The following GXYLT2 variants were observed in gnomAD, a reference collection of about 807,000 sequenced individuals.
GXYLT2 encodes glycosyltransferase 8 domain containing 4.
In GXYLT2, 53 loss-of-function variants were observed where a neutral mutation model predicts 45.8. The observed-to-expected ratio is 1.16, with a 90% CI of 0.93 to 1.46. GXYLT2 has a LOEUF of 1.46. Ranked by LOEUF, GXYLT2 falls within the 40% of genes most tolerant of loss-of-function variation. The pLI is 0.00. For synonymous variants in GXYLT2, 219 were observed against 214.2 expected, an observed-to-expected ratio of 1.02 and a Z score of -0.19; for missense variants, 551 against 544.4, an observed-to-expected ratio of 1.01 and a Z score of -0.12.
intron 3 of GXYLT2, among the ~76,000 whole-genome samples, chr3:72,923,130 C>T (rs1457061639): frequency 6.6e-6 from 1 of 152,096 alleles, no homozygotes; most frequent in East Asian, 1.9e-4. Flanking sequence ...TGGTGTATGT[C>T]TGTAATCCCA....
intron 5 of GXYLT2, 46 bp downstream of exon 5, chr3:72,957,398 C>A: frequency 6.5e-7 from 1 of 1,543,942 alleles, no homozygotes. Context: ...GTACACTCAG[C>A]ACACCCCACG....
At chr3:72,967,512 C>T (rs777640270) in intron 5 of GXYLT2, 35 bp from the exon 6 acceptor site, 8 of 1,560,410 alleles carry the variant, frequency 5.1e-6, no homozygotes, top group South Asian at 4.5e-5. Flanking sequence ...TGGCACTAAC[C>T]GTGGACATAT....
intron 5 of GXYLT2, among the ~76,000 whole-genome samples, chr3:72,962,525 G>A (rs1377242276): frequency 2.0e-5 from 3 of 152,134 alleles, no homozygotes; most frequent in Non-Finnish European, 4.4e-5. Context: ...AGAGAAAGGA[G>A]ATAGAAAGCT....
chr3:72,912,066 A>C (rs1253326239), intron 2 of GXYLT2, among the ~76,000 whole-genome samples: 2 of 143,930 alleles, frequency 1.4e-5, no homozygotes, highest in African/African-American at 5.4e-5. Context: ...GCTGAAGTGC[A>C]GTGGCATGAT....
rs1359099842 is a variant in GXYLT2, at chr3:72,905,076, AAAAAAAAAAAAAGGAAAG to A, written c.276-3286_276-3269del. On this transcript the variant is annotated intron_variant, in intron 1 of 6. Coordinates refer to ENST00000389617, the MANE Select transcript of GXYLT2 (RefSeq NM_001080393.2). ...TGAGATTCTGTCTCAAAAAAAAAAA[AAAAAAAAAAAAAGGAAAG>A]AAAAGAAAAAGAAAATAACCACTGT... Among the ~76,000 whole-genome samples the A allele has an allele frequency of 6.1e-3, 909 of 149,992 alleles. 9 individuals are homozygous for A. Among genetic ancestry groups the A allele is most frequent in the African/African-American group, 0.021 (848 of 41,048 alleles).
intron 5 of GXYLT2, among the ~76,000 whole-genome samples, chr3:72,960,699 G>C (rs1015951871): frequency 6.6e-6 from 1 of 151,964 alleles, no homozygotes; most frequent in African/African-American, 2.4e-5. Context: ...TTAAACATGG[G>C]ATCTTTGAAC....
In GXYLT2 at chr3:72,890,047, G is replaced by C. The variant is rs149281243; in HGVS notation, c.275+1539G>C. Among the ~76,000 whole-genome samples the C allele has an allele frequency of 2.0e-3, 302 of 152,176 alleles. 2 individuals are homozygous for C. Among genetic ancestry groups the C allele is most frequent in the African/African-American group, 7.1e-3 (295 of 41,534 alleles). On this transcript the variant is annotated intron_variant, in intron 1 of 6. Coordinates refer to ENST00000389617, the MANE Select transcript of GXYLT2 (RefSeq NM_001080393.2). The stretch of plus-strand genomic sequence containing the variant: ...GTGATTCTTGTGCCTCAGCCTGCCA[G>C]GTAGCTGGCAAACAGGCGTGTGCCA...
rs113766844 is a variant in GXYLT2 at position 72,906,423 on chromosome 3, C to T, written c.276-1944C>T. Among the ~76,000 whole-genome samples, 259 of 152,294 alleles carry T rather than the reference C, an allele frequency of 1.7e-3. 1 individual carries two copies. Among genetic ancestry groups the T allele is most frequent in the African/African-American group, 6.1e-3 (253 of 41,556 alleles). On this transcript the variant is annotated intron_variant, in intron 1 of 6. Coordinates refer to ENST00000389617, the MANE Select transcript of GXYLT2 (RefSeq NM_001080393.2). ...CACTGTAGGGAATATACTGCCCCAG[C>T]CCGCCAGCCACTCCTGGCACCCCCA...
At chr3:72,906,880 A>G (rs1277998537) in intron 1 of GXYLT2, among the ~76,000 whole-genome samples, 1 of 152,222 alleles carries the variant, frequency 6.6e-6, no homozygotes, top group Non-Finnish European at 1.5e-5. Flanking sequence ...AGCCATAGTC[A>G]GCAGCTTGGA....
In GXYLT2 at chr3:72,906,805, A is replaced by G. The variant is rs374963409; in HGVS notation, c.276-1562A>G. Among the ~76,000 whole-genome samples the G allele has an allele frequency of 1.6e-4, 24 of 152,330 alleles. 1 individual carries two copies. The East Asian group carries it at 3.1e-3, about 20-fold the overall frequency. ...ACTGGAAGTGAAACAGAATATGACT[A>G]TGATTATGAATGGCCGTCTCTCCAG... On this transcript the variant is annotated intron_variant, in intron 1 of 6. Transcript: ENST00000389617.
rs1316096535 is a variant in GXYLT2, at chr3:72,915,367, G to T, written c.468+6808G>T. On this transcript the variant is annotated intron_variant, in intron 2 of 6. Transcript: ENST00000389617. ...TTTTTTTTTTTTTGCGGGGGGGGGG[G>T]GGATTTAGGAAAAATAGCCCATAGA... Among the ~76,000 whole-genome samples, 110 of 124,034 alleles carry T rather than the reference G, an allele frequency of 8.9e-4. 2 individuals are homozygous for T. The highest frequency in any genetic ancestry group is 4.0e-3 in the Middle Eastern group (1 of 250). 81.4% of individuals were successfully genotyped at this position (124,034 alleles called of 152,430 possible).
Position 72,888,400 on chromosome 3 carries a change from G to T in GXYLT2, c.167G>T (p.Gly56Val). Residue 56 changes from glycine to valine, a missense_variant, in exon 1 of 7, where the codon GGG becomes GTG. Transcript: ENST00000389617. ...GCGCCTGTCCCCGCGCGCTGGCCGG[G>T]GCCGGGCGCCCTCCCCGGGGCCAGC... ...HPAPVPARWP[G>V]PGALPGASPG... 1 of 1,005,780 alleles carries T rather than the reference G, an allele frequency of 9.9e-7. No individual in the cohort carries two copies. The allele number at this position is 1,005,780 out of a possible 1,614,324, so 62.3% of individuals were successfully genotyped here. A position where few individuals can be genotyped will look rare whatever the true frequency, so the allele number is the denominator to read the frequency against.
intron 5 of GXYLT2, among the ~76,000 whole-genome samples, chr3:72,959,498 C>T (rs1015410935): frequency 1.3e-5 from 2 of 151,680 alleles, no homozygotes; most frequent in East Asian, 1.9e-4. Flanking sequence ...TGGGCTCAAG[C>T]GATCTTCCGG....
intron 1 of GXYLT2, among the ~76,000 whole-genome samples, chr3:72,904,305 G>A (rs1459432744): frequency 6.6e-6 from 1 of 152,218 alleles, no homozygotes; most frequent in Admixed American, 6.5e-5. Context: ...CCATCAGTAG[G>A]AGCTGGTGAA....
At chr3:72,929,016 A>G in intron 3 of GXYLT2, 1 of 1,365,550 alleles carries the variant, frequency 7.3e-7, no homozygotes, top group East Asian at 2.3e-5. Context: ...CCGCGCAGCC[A>G]CCGCCGCCTC....
chr3:72,890,320 A>G (rs6771288), intron 1 of GXYLT2, among the ~76,000 whole-genome samples: 69,874 of 152,148 alleles, frequency 0.46, 19,009 homozygotes, highest in African/African-American at 0.76. Context: ...CCCCACCCCA[A>G]CCCTACAGAA....
chr3:72,949,502 C>CTTTTTTTTTTTTTTTTTTT (rs56323434), intron 3 of GXYLT2, among the ~76,000 whole-genome samples: 14 of 72,612 alleles, frequency 1.9e-4, no homozygotes, highest in African/African-American at 5.6e-4. Context: ...CTTTCTTTTT[C>CTTTTTTTTTTTTTTTTTTT]TTTTTTTTTT....
At chr3:72,912,544 A>G (rs1430341469) in intron 2 of GXYLT2, among the ~76,000 whole-genome samples, 1 of 152,210 alleles carries the variant, frequency 6.6e-6, no homozygotes. Flanking sequence ...GTACATACAC[A>G]TATACATACA....
At chr3:72,951,420 A>G (rs1478081281) in intron 3 of GXYLT2, among the ~76,000 whole-genome samples, 2 of 152,350 alleles carry the variant, frequency 1.3e-5, no homozygotes, top group South Asian at 4.1e-4. Context: ...GCGAAAACAC[A>G]GAGACTTCTT....
Sources: gnomAD v4.1 joint callset for allele counts (sites outside exome capture counted in the v4.1 genomes callset) on GRCh38, gnomAD v4.1.1 for gene constraint, MANE v1.5 for transcripts, NCBI Gene and HGNC (gene_info 2026-07-23, HGNC 2026-07-21) for gene names.